The following ABCA13 variants were observed in gnomAD, a reference collection of about 807,000 sequenced individuals.
The protein encoded by ABCA13 is ATP-binding cassette sub-family A member 13.
ABCA13 carries 476 observed loss-of-function variants against 478.7 expected under a neutral mutation model. That is an observed-to-expected ratio of 0.99 (90% confidence interval 0.92 to 1.07). ABCA13 has a LOEUF of 1.07. Among genes scored for constraint, ABCA13 ranks in the 50% least tolerant of loss-of-function variants. ABCA13 has a pLI of 0.00. For missense variants in ABCA13, 6,060 were observed against 5,910.6 expected (o/e 1.03, Z -0.83); for synonymous variants, 2,252 against 2,158.9 (o/e 1.04, Z -1.20).
chr7:48,584,528 C>G (rs1005388603), intron 56 of ABCA13, among the ~76,000 whole-genome samples: 2 of 152,014 alleles, frequency 1.3e-5, no homozygotes, highest in Non-Finnish European at 2.9e-5. Flanking sequence ...TATATTGAGC[C>G]CATGTGGGTG....
At position 48,524,261 on chromosome 7, in the gene ABCA13, C is replaced by T. The variant is rs764014303; in HGVS notation, c.14065C>T (p.Leu4689Phe). 42 of 1,611,492 alleles carry T rather than the reference C, an allele frequency of 2.6e-5. No homozygotes were observed. In the South Asian group the frequency reaches 4.2e-4, roughly 16 times the overall value. ...TCATCTTCCCAGGGGTCATTCTACT[C>T]TCCAAGGCACAGTCAAATCTTCTAA... ...LLRWPRGHST[L>F]QGTVKSSKDT... Residue 4689 changes from leucine (L) to phenylalanine (F), a missense_variant, in exon 54 of 62, where the codon CTC becomes TTC. By Grantham distance (22) the Leu-to-Phe change is conservative (BLOSUM62 0). This residue lies in a region of ABCA13 where 1,627 missense variants were observed against 1,571.0 expected (regional missense o/e 1.04). Transcript: ENST00000435803.
chr7:48,557,517 T>C (rs1458733215), intron 55 of ABCA13, among the ~76,000 whole-genome samples: 1 of 152,182 alleles, frequency 6.6e-6, no homozygotes, highest in Non-Finnish European at 1.5e-5. Context: ...AAATATGTCT[T>C]GCCATTCCCT....
intron 58 of ABCA13, among the ~76,000 whole-genome samples, chr7:48,601,370 G>A (rs556327059): frequency 1.6e-4 from 25 of 151,956 alleles, no homozygotes; most frequent in African/African-American, 3.4e-4. Flanking sequence ...AATGCTATCC[G>A]TCACCCAGCC....
At chr7:48,197,358 C>T (rs1355738911) in intron 2 of ABCA13, among the ~76,000 whole-genome samples, 1 of 152,186 alleles carries the variant, frequency 6.6e-6, no homozygotes, top group Non-Finnish European at 1.5e-5. Flanking sequence ...GGGCGCTGGA[C>T]AGGCATCTCC....
chr7:48,371,391 T>A (rs767753416), intron 32 of ABCA13, among the ~76,000 whole-genome samples: 2 of 152,204 alleles, frequency 1.3e-5, no homozygotes, highest in Non-Finnish European at 2.9e-5. Flanking sequence ...ATTTTCATGA[T>A]ATTGATTCTT....
chr7:48,200,374 A>G (rs1400824741), intron 3 of ABCA13, among the ~76,000 whole-genome samples: 2 of 152,204 alleles, frequency 1.3e-5, no homozygotes, highest in Non-Finnish European at 2.9e-5. Context: ...CTCAAACAAA[A>G]AAAACCCCCC....
chr7:48,540,679 A>G (rs1833886708), intron 55 of ABCA13, among the ~76,000 whole-genome samples: 1 of 152,074 alleles, frequency 6.6e-6, no homozygotes, highest in Admixed American at 6.6e-5. Flanking sequence ...AGGTTATATT[A>G]TCTAAAACAG....
At chr7:48,508,758 G>C (rs887700668) in intron 50 of ABCA13, among the ~76,000 whole-genome samples, 3 of 152,132 alleles carry the variant, frequency 2.0e-5, no homozygotes, top group African/African-American at 7.2e-5. Context: ...AAGGCCGGAG[G>C]TCAACCATTT....
chr7:48,343,188 G>A lies in ABCA13; in HGVS notation c.10204+4733G>A, dbSNP rs140540402. Among the ~76,000 whole-genome samples the A allele has an allele frequency of 4.8e-3, 724 of 151,928 alleles. 20 individuals are homozygous for A. The highest frequency in any genetic ancestry group is 0.03 in the Admixed American group (456 of 15,246). ...AACCAGACATTATAAATGGAAAATT[G>A]TAGAAATAAATTTGAGTCTCCTGAT... On this transcript the variant is annotated intron_variant, in intron 29 of 61. Coordinates refer to ENST00000435803, the MANE Select transcript of ABCA13 (RefSeq NM_152701.5).
intron 58 of ABCA13, among the ~76,000 whole-genome samples, chr7:48,611,163 A>G (rs755325648): frequency 3.3e-5 from 5 of 152,214 alleles, no homozygotes; most frequent in Non-Finnish European, 5.9e-5. Context: ...TCGCTCATGC[A>G]TAACAAAACT....
At chr7:48,257,105 A>T (rs2076430708) in intron 15 of ABCA13, among the ~76,000 whole-genome samples, 1 of 151,602 alleles carries the variant, frequency 6.6e-6, no homozygotes, top group Non-Finnish European at 1.5e-5. Flanking sequence ...TTTGGCTTTC[A>T]TCTTGGATAT....
At chr7:48,550,502 C>A (rs969511880) in intron 55 of ABCA13, among the ~76,000 whole-genome samples, 3 of 112,874 alleles carry the variant, frequency 2.7e-5, no homozygotes, top group East Asian at 5.7e-4. Flanking sequence ...AAGTGATCCG[C>A]CCCCCCTCAG....
chr7:48,509,033 A>G (rs991133335), intron 50 of ABCA13, among the ~76,000 whole-genome samples: 4 of 152,164 alleles, frequency 2.6e-5, no homozygotes, highest in African/African-American at 7.2e-5. Context: ...CTGGTGATAG[A>G]TATCACCTGG....
intron 15 of ABCA13, among the ~76,000 whole-genome samples, chr7:48,258,299 G>A (rs1793693050): frequency 6.6e-6 from 1 of 152,034 alleles, no homozygotes; most frequent in African/African-American, 2.4e-5. Context: ...GTTTCTTCCT[G>A]TTTTGATCTT....
At chr7:48,368,753 A>G (rs533763985) in intron 32 of ABCA13, among the ~76,000 whole-genome samples, 33 of 135,324 alleles carry the variant, frequency 2.4e-4, no homozygotes, top group African/African-American at 9.1e-4. Flanking sequence ...ACATTTATAT[A>G]TATATATACA....
chr7:48,601,848 A>G (rs1790924794), intron 58 of ABCA13, among the ~76,000 whole-genome samples: 1 of 152,158 alleles, frequency 6.6e-6, no homozygotes, highest in Non-Finnish European at 1.5e-5. Flanking sequence ...CACAGTGCAA[A>G]AGTGTTCCTA....
chr7:48,508,181 T>C (rs925298592), intron 50 of ABCA13, 132 bp downstream of exon 50: 83 of 1,082,098 alleles, frequency 7.7e-5, no homozygotes, highest in Admixed American at 7.5e-4. Context: ...ATCTTATTGA[T>C]AAGAGCATTT....
At position 48,275,340 on chromosome 7, in the gene ABCA13, G is replaced by A; in HGVS notation, c.5674G>A (p.Glu1892Lys). The A allele has an allele frequency of 6.2e-7, 1 of 1,613,910 alleles. No individual in the cohort carries two copies. Among genetic ancestry groups the A allele is most frequent in the Non-Finnish European group, 8.5e-7 (1 of 1,179,866 alleles). The change falls in exon 17 of 62, where the codon GAA becomes AAA. Residue 1892 changes from glutamate (E) to lysine (K), a missense_variant. This residue lies in a region of ABCA13 where 4,423 missense variants were observed against 4,309.1 expected (regional missense o/e 1.03). Coordinates refer to ENST00000435803, the MANE Select transcript of ABCA13 (RefSeq NM_152701.5). Reference protein sequence around the residue: ...ITRKVVCIIHELVDWNSILLE... With the variant: ...ITRKVVCIIHKLVDWNSILLE... ...TAGGAAAGTGGTCTGCATAATTCAT[G>A]AATTAGTGGACTGGAATTCTATTCT...
At position 48,412,532 on chromosome 7, in the gene ABCA13, G is replaced by T. The variant is rs774754156; in HGVS notation, c.12408G>T (p.Leu4136=). The change falls in exon 41 of 62, where the codon CTG becomes CTT. Residue 4136 remains leucine, a synonymous_variant. Coordinates refer to ENST00000435803, the MANE Select transcript of ABCA13 (RefSeq NM_152701.5). ...KGLFQALDEN[L]HQLHLTGYGI... Reference sequence around the variant, plus strand: ...TCTTCCAGGCCCTGGATGAGAACCTGCATCAGCTGCACCTGACGGGCTATG... The same window carrying T: ...TCTTCCAGGCCCTGGATGAGAACCTTCATCAGCTGCACCTGACGGGCTATG... 6.2e-7 allele frequency: 1 copy of T among 1,613,306 alleles called. No homozygotes were observed. Among genetic ancestry groups the T allele is most frequent in the Non-Finnish European group, 8.5e-7 (1 of 1,179,716 alleles).
Sources: allele counts gnomAD v4.1 joint callset (sites outside exome capture counted in the v4.1 genomes callset), GRCh38; gene constraint gnomAD v4.1.1; regional missense constraint gnomAD v4.1.1; transcripts MANE v1.5; gene names NCBI Gene and HGNC (gene_info 2026-07-23, HGNC 2026-07-21).